The following NKAIN2 variants were observed in gnomAD, a reference collection of about 807,000 sequenced individuals.
NKAIN2 encodes the protein sodium/potassium transporting ATPase interacting 2, also known as sodium/potassium-transporting ATPase subunit beta-1-interacting protein 2.
In NKAIN2, 14 loss-of-function variants were observed where a neutral mutation model predicts 32.6. The observed-to-expected ratio is 0.43, with a 90% CI of 0.28 to 0.67. NKAIN2 has a LOEUF of 0.67. Ranked by LOEUF, NKAIN2 falls within the 30% of genes least tolerant of loss-of-function variation. NKAIN2 has a pLI of 0.17. For missense variants in NKAIN2, 198 were observed against 258.3 expected (o/e 0.77, Z 1.60); for synonymous variants, 80 against 87.2 (o/e 0.92, Z 0.46).
At chr6:124,255,137 TA>T (rs1194764397) in intron 1 of NKAIN2, among the ~76,000 whole-genome samples, 2 of 152,204 alleles carry the variant, frequency 1.3e-5, no homozygotes, top group African/African-American at 4.8e-5. Context: ...CATTTCTTTA[TA>T]ATGCCCATAA....
chr6:124,542,062 A>G (rs1157402040), intron 3 of NKAIN2, among the ~76,000 whole-genome samples: 1 of 152,158 alleles, frequency 6.6e-6, no homozygotes. Flanking sequence ...ATTTTAGTAC[A>G]TGAAACTGGC....
intron 3 of NKAIN2, among the ~76,000 whole-genome samples, chr6:124,617,855 A>G (rs970826740): frequency 1.3e-5 from 2 of 152,128 alleles, no homozygotes; most frequent in African/African-American, 2.4e-5. Flanking sequence ...TTTCATTTTT[A>G]TAACTAGGAA....
chr6:124,823,398 ACGTGAG>A lies in NKAIN2; in HGVS notation c.*171_*176del. On this transcript the variant is annotated 3_prime_UTR_variant, in exon 7 of 7. Coordinates refer to ENST00000368417, the MANE Select transcript of NKAIN2 (RefSeq NM_001040214.3). ...AACACTGACACACACACACACACACACGTGAGCACGCACACACCAATTCCACTTGAC... is the reference window on the plus strand; with the variant it reads ...AACACTGACACACACACACACACACACACGCACACACCAATTCCACTTGAC... 1 of 516,594 alleles carries A rather than the reference ACGTGAG, an allele frequency of 1.9e-6. No homozygotes were observed. Among genetic ancestry groups the A allele is most frequent in the Non-Finnish European group, 3.5e-6 (1 of 282,882 alleles). The allele number at this position is 516,594 out of a possible 1,614,324, so 32.0% of individuals were successfully genotyped here. A position where few individuals can be genotyped will look rare whatever the true frequency, so the allele number is the denominator to read the frequency against.
At chr6:124,523,282 A>C (rs955678293) in intron 3 of NKAIN2, among the ~76,000 whole-genome samples, 6 of 152,114 alleles carry the variant, frequency 3.9e-5, no homozygotes, top group Admixed American at 3.3e-4. Flanking sequence ...TACCTGCCTC[A>C]TCAAAATGAA....
At chr6:123,809,316 C>T (rs78439661) in intron 1 of NKAIN2, among the ~76,000 whole-genome samples, 3,398 of 144,302 alleles carry the variant, frequency 0.024, 114 homozygotes, top group African/African-American at 0.074. Flanking sequence ...CATAAGCCAT[C>T]AAGATACAAT....
At chr6:124,704,468 G>T (rs1444510437) in intron 4 of NKAIN2, among the ~76,000 whole-genome samples, 3 of 151,914 alleles carry the variant, frequency 2.0e-5, no homozygotes, top group African/African-American at 7.2e-5. Flanking sequence ...GATGAATTCT[G>T]AATAGCAGTG....
intron 4 of NKAIN2, among the ~76,000 whole-genome samples, chr6:124,693,279 C>T (rs1284685185): frequency 6.6e-6 from 1 of 152,096 alleles, no homozygotes; most frequent in Non-Finnish European, 1.5e-5. Context: ...GTTACAATTG[C>T]CTACACCATT....
intron 3 of NKAIN2, among the ~76,000 whole-genome samples, chr6:124,603,809 C>T (rs117417213): frequency 0.012 from 1,785 of 151,992 alleles, 28 homozygotes; most frequent in Admixed American, 0.034. Context: ...ATTGAAGTCA[C>T]GTTAGACCAA....
At chr6:123,895,207 A>G (rs1076735) in intron 1 of NKAIN2, among the ~76,000 whole-genome samples, 97,513 of 151,626 alleles carry the variant, frequency 0.64, 32,286 homozygotes, top group African/African-American at 0.79. Context: ...AGACACACAC[A>G]CACACACACA....
intron 6 of NKAIN2, among the ~76,000 whole-genome samples, 184 bp from the exon 7 acceptor site, chr6:124,823,036 C>G (rs906684046): frequency 6.6e-6 from 1 of 152,184 alleles, no homozygotes; most frequent in East Asian, 1.9e-4. Flanking sequence ...ACTGGCCTCT[C>G]TATCCCTGCA....
Position 123,976,302 on chromosome 6 carries a change from TATATGTTTCC to T in NKAIN2, c.54+172053_54+172062del, listed in dbSNP as rs1179723519. On this transcript the variant is annotated intron_variant, in intron 1 of 6. Coordinates refer to ENST00000368417, the MANE Select transcript of NKAIN2 (RefSeq NM_001040214.3). ...ATGTTTCCATATATATGTTTCCATA[TATATGTTTCC>T]ATATATATATATGTTCCCATATATA... Among the ~76,000 whole-genome samples, 745 of 96,668 alleles carry T rather than the reference TATATGTTTCC, an allele frequency of 7.7e-3. 91 individuals carry two copies. Among genetic ancestry groups the T allele is most frequent in the Non-Finnish European group, 0.012 (533 of 45,890 alleles). The allele number at this position is 96,668 out of a possible 152,430, so 63.4% of individuals were successfully genotyped here.
rs372967417 is a variant in NKAIN2 at position 124,609,980 on chromosome 6, C to A, written c.274-48206C>A. 2.8e-4 allele frequency among the ~76,000 whole-genome samples: 42 copies of A among 152,158 alleles called. No individual in the cohort carries two copies. The East Asian group carries it at 7.5e-3, about 27-fold the overall frequency. On this transcript the variant is annotated intron_variant, in intron 3 of 6. Transcript: ENST00000368417. ...TAAATGAATTAGTAAATATACAGTT[C>A]ATTGGAGAGTTGTAACTATATAGTA...
intron 1 of NKAIN2, among the ~76,000 whole-genome samples, chr6:123,894,065 A>G (rs531119313): frequency 5.9e-5 from 9 of 152,372 alleles, no homozygotes; most frequent in Middle Eastern, 3.4e-3. Flanking sequence ...TTTTTAAATT[A>G]AAAGTGTTAA....
chr6:124,774,857 A>C (rs1778918945), intron 4 of NKAIN2, among the ~76,000 whole-genome samples: 1 of 82,270 alleles, frequency 1.2e-5, no homozygotes, highest in African/African-American at 6.5e-5. Context: ...ACTTCATCTC[A>C]AAAAAAAAAA....
intron 2 of NKAIN2, among the ~76,000 whole-genome samples, chr6:124,341,566 T>C (rs1009077872): frequency 3.3e-5 from 5 of 152,158 alleles, no homozygotes; most frequent in African/African-American, 1.2e-4. Context: ...TTAAACTTAA[T>C]CATTAAAACA....
At chr6:124,237,016 CA>C (rs1458100702) in intron 1 of NKAIN2, among the ~76,000 whole-genome samples, 1 of 152,070 alleles carries the variant, frequency 6.6e-6, no homozygotes, top group Non-Finnish European at 1.5e-5. Flanking sequence ...TGTGTGGGAT[CA>C]AGGAAAATTA....
intron 1 of NKAIN2, among the ~76,000 whole-genome samples, chr6:123,892,764 G>C (rs913346460): frequency 4.6e-5 from 7 of 151,684 alleles, no homozygotes; most frequent in African/African-American, 1.7e-4. Flanking sequence ...GTGGGAAGTG[G>C]TCATACAGAC....
intron 1 of NKAIN2, among the ~76,000 whole-genome samples, chr6:124,228,521 A>G (rs1049747491): frequency 6.6e-6 from 1 of 152,154 alleles, no homozygotes; most frequent in Admixed American, 6.6e-5. Context: ...ATCTTCAAAT[A>G]CCATCACACT....
chr6:124,161,877 C>T (rs1582765853), intron 1 of NKAIN2, among the ~76,000 whole-genome samples: 1 of 152,112 alleles, frequency 6.6e-6, no homozygotes, highest in South Asian at 2.1e-4. Flanking sequence ...ATTCATACCC[C>T]AAACCTCAGC....
Sources: gnomAD v4.1 joint callset for allele counts (sites outside exome capture counted in the v4.1 genomes callset) on GRCh38, gnomAD v4.1.1 for gene constraint, MANE v1.5 for transcripts, NCBI Gene and HGNC (gene_info 2026-07-23, HGNC 2026-07-21) for gene names.